Variants in HS3ST4 observed in about 807,000 individuals in gnomAD.
The protein encoded by HS3ST4 is heparan sulfate-glucosamine 3-sulfotransferase 4.
A neutral mutation model predicts 29.2 loss-of-function variants in HS3ST4; 17 were observed. That is an observed-to-expected ratio of 0.58 (90% CI 0.40 to 0.87). HS3ST4 has a LOEUF of 0.87. HS3ST4 is among the 40% of genes least tolerant of loss of function. HS3ST4 has a pLI of 0.00. For missense variants in HS3ST4, 627 were observed against 634.5 expected (o/e 0.99, Z 0.13); for synonymous variants, 314 against 285.7 (o/e 1.10, Z -1.00).
intron 1 of HS3ST4, among the ~76,000 whole-genome samples, chr16:25,750,103 A>G (rs1314369041): frequency 6.6e-6 from 1 of 152,180 alleles, no homozygotes; most frequent in Non-Finnish European, 1.5e-5. Flanking sequence ...GTTGCTACTG[A>G]AATCCTCTGG....
At chr16:25,918,261 C>A (rs1451530093) in intron 1 of HS3ST4, among the ~76,000 whole-genome samples, 1 of 152,118 alleles carries the variant, frequency 6.6e-6, no homozygotes, top group Admixed American at 6.5e-5. Flanking sequence ...AGGAAGGGCA[C>A]GTCTTATTGT....
At chr16:25,870,025 T>C (rs756339855) in intron 1 of HS3ST4, among the ~76,000 whole-genome samples, 25 of 152,150 alleles carry the variant, frequency 1.6e-4, no homozygotes, top group Non-Finnish European at 3.1e-4. Flanking sequence ...GTTGAAGTCA[T>C]AGGACACCGA....
At chr16:25,995,844 A>G (rs150180284) in intron 1 of HS3ST4, among the ~76,000 whole-genome samples, 1 of 152,234 alleles carries the variant, frequency 6.6e-6, no homozygotes, top group Non-Finnish European at 1.5e-5. Flanking sequence ...CTTTGCACAT[A>G]GTAGGTGAAC....
intron 1 of HS3ST4, among the ~76,000 whole-genome samples, chr16:25,789,868 G>A (rs929207365): frequency 7.9e-5 from 12 of 152,266 alleles, no homozygotes; most frequent in African/African-American, 2.2e-4. Flanking sequence ...ATAGTCCCAC[G>A]TTGTTTGTGA....
intron 1 of HS3ST4, among the ~76,000 whole-genome samples, chr16:26,116,476 C>A (rs928777521): frequency 6.6e-6 from 1 of 152,076 alleles, no homozygotes; most frequent in Non-Finnish European, 1.5e-5. Context: ...TCTCCAATGA[C>A]AATTATAATT....
chr16:25,947,544 C>T (rs1351303206), intron 1 of HS3ST4, among the ~76,000 whole-genome samples: 1 of 137,750 alleles, frequency 7.3e-6, no homozygotes, highest in Admixed American at 7.5e-5. Context: ...CCAGGTCATG[C>T]TTTATTTTTT....
chr16:25,989,313 G>A (rs373303021), intron 1 of HS3ST4, among the ~76,000 whole-genome samples: 1 of 152,184 alleles, frequency 6.6e-6, no homozygotes, highest in Non-Finnish European at 1.5e-5. Flanking sequence ...AGTAAAGTGA[G>A]GCACAATACA....
intron 1 of HS3ST4, among the ~76,000 whole-genome samples, chr16:25,853,219 G>C (rs532092564): frequency 4.0e-5 from 6 of 151,456 alleles, no homozygotes; most frequent in African/African-American, 1.5e-4. Flanking sequence ...ACTGATTTTC[G>C]TATGTTTATT....
chr16:25,993,010 C>A (rs1188466403), intron 1 of HS3ST4, among the ~76,000 whole-genome samples: 1 of 152,166 alleles, frequency 6.6e-6, no homozygotes, highest in Non-Finnish European at 1.5e-5. Flanking sequence ...TAGTGGACTG[C>A]CACCATTGTG....
At chr16:25,873,852 C>A (rs1269644460) in intron 1 of HS3ST4, among the ~76,000 whole-genome samples, 1 of 152,162 alleles carries the variant, frequency 6.6e-6, no homozygotes, top group Non-Finnish European at 1.5e-5. Context: ...TGCCCTACAT[C>A]CAGCCTTATA....
chr16:25,769,203 G>C (rs1966838989), intron 1 of HS3ST4, among the ~76,000 whole-genome samples: 2 of 152,152 alleles, frequency 1.3e-5, no homozygotes, highest in Non-Finnish European at 1.5e-5. Flanking sequence ...CTCAAGATTT[G>C]TTGGGGGTGG....
intron 1 of HS3ST4, among the ~76,000 whole-genome samples, chr16:25,722,511 T>C (rs530638946): frequency 6.4e-4 from 98 of 152,226 alleles, no homozygotes; most frequent in Non-Finnish European, 2.8e-4. Context: ...GGAACTTACG[T>C]TGATTTCTCA....
intron 1 of HS3ST4, among the ~76,000 whole-genome samples, chr16:25,935,050 T>C (rs1467689464): frequency 6.6e-6 from 1 of 152,170 alleles, no homozygotes; most frequent in Non-Finnish European, 1.5e-5. Context: ...GATAGTTTTA[T>C]AAGTGTCTGG....
At chr16:26,115,245 GTA>G (rs1555484845) in intron 1 of HS3ST4, among the ~76,000 whole-genome samples, 13 of 149,042 alleles carry the variant, frequency 8.7e-5, no homozygotes, top group Non-Finnish European at 1.6e-4. Context: ...GTATGTGTGT[GTA>G]TATATATATA....
intron 1 of HS3ST4, among the ~76,000 whole-genome samples, chr16:25,821,528 AT>A (rs1182893666): frequency 6.6e-6 from 1 of 151,610 alleles, no homozygotes; most frequent in Admixed American, 6.6e-5. Context: ...CTCTATGATC[AT>A]TTTCTTTTTA....
At chr16:26,116,781 A>G (rs1370084730) in intron 1 of HS3ST4, among the ~76,000 whole-genome samples, 1 of 152,240 alleles carries the variant, frequency 6.6e-6, no homozygotes, top group Non-Finnish European at 1.5e-5. Context: ...CAGTGTAAGT[A>G]TCCCAAATCC....
At chr16:25,986,345 T>C (rs1365339828) in intron 1 of HS3ST4, among the ~76,000 whole-genome samples, 1 of 152,354 alleles carries the variant, frequency 6.6e-6, no homozygotes, top group Middle Eastern at 3.4e-3. Flanking sequence ...GCAACACTTC[T>C]ATTAGGTTGG....
chr16:25,787,865 C>T (rs1283864195), intron 1 of HS3ST4, among the ~76,000 whole-genome samples: 1 of 152,118 alleles, frequency 6.6e-6, no homozygotes, highest in East Asian at 1.9e-4. Flanking sequence ...GTCAAGGTTG[C>T]TGGTGGAGGA....
At chr16:26,006,985 T>C (rs114439577) in intron 1 of HS3ST4, among the ~76,000 whole-genome samples, 370 of 152,346 alleles carry the variant, frequency 2.4e-3, no homozygotes, top group African/African-American at 8.3e-3. Flanking sequence ...AAAGGCACGA[T>C]GAGGGTTGGT....
Sources: allele counts gnomAD v4.1 joint callset (sites outside exome capture counted in the v4.1 genomes callset), GRCh38; gene constraint gnomAD v4.1.1; transcripts MANE v1.5; gene names NCBI Gene and HGNC (gene_info 2026-07-23, HGNC 2026-07-21).